Variants in SRD5A3 observed in about 807,000 individuals in gnomAD.
The protein encoded by SRD5A3 is steroid 5 alpha-reductase 3.
A neutral mutation model predicts 34.3 loss-of-function variants in SRD5A3; 24 were observed. That is an observed-to-expected ratio of 0.70 (90% CI 0.51 to 0.99). SRD5A3 has a LOEUF of 0.99. Among genes scored for constraint, SRD5A3 ranks in the 50% least tolerant of loss-of-function variants. The pLI is 0.00. For missense variants in SRD5A3, 350 were observed against 388.2 expected (o/e 0.90, Z 0.83); for synonymous variants, 161 against 167.3 (o/e 0.96, Z 0.29).
chr4:55,350,571 G>A (rs762220814), intron 1 of SRD5A3, among the ~76,000 whole-genome samples: 37 of 152,090 alleles, frequency 2.4e-4, no homozygotes, highest in Non-Finnish European at 4.9e-4. Context: ...TGAATGCAAT[G>A]TGGAATAATT....
intron 1 of SRD5A3, among the ~76,000 whole-genome samples, chr4:55,348,035 T>C (rs1009145084): frequency 1.3e-5 from 2 of 152,208 alleles, no homozygotes; most frequent in African/African-American, 4.8e-5. Context: ...AATCATCCCC[T>C]GAACTTGCAT....
At chr4:55,363,371 C>G (rs1367856355) in intron 2 of SRD5A3, among the ~76,000 whole-genome samples, 3 of 152,090 alleles carry the variant, frequency 2.0e-5, no homozygotes, top group Admixed American at 2.0e-4. Flanking sequence ...GAGTTCAAAG[C>G]TGCAGTGAGG....
chr4:55,355,867 A>G (rs978450634), intron 1 of SRD5A3, among the ~76,000 whole-genome samples: 6 of 151,946 alleles, frequency 3.9e-5, no homozygotes. Flanking sequence ...GAACTAAATA[A>G]TCTTAACTTT....
chr4:55,358,333 C>G (rs1258087495), intron 1 of SRD5A3, among the ~76,000 whole-genome samples: 1 of 151,996 alleles, frequency 6.6e-6, no homozygotes, highest in Non-Finnish European at 1.5e-5. Context: ...GAGTTTGAGA[C>G]CAGCCTGGGC....
chr4:55,359,528 T>C (rs761179647), intron 2 of SRD5A3, 40 bp downstream of exon 2: 1 of 1,613,210 alleles, frequency 6.2e-7, no homozygotes, highest in Admixed American at 1.7e-5. Context: ...TGCATCCCGT[T>C]TCTGTTGTTC....
chr4:55,355,410 A>G (rs1017627155), intron 1 of SRD5A3, among the ~76,000 whole-genome samples: 9 of 151,684 alleles, frequency 5.9e-5, no homozygotes, highest in African/African-American at 2.2e-4. Context: ...ATGAACCAAG[A>G]TCGTGCCACT....
chr4:55,367,358 T>C (rs2109484544), intron 3 of SRD5A3, among the ~76,000 whole-genome samples: 1 of 152,292 alleles, frequency 6.6e-6, no homozygotes, highest in African/African-American at 2.4e-5. Context: ...GAGGAACGTA[T>C]CTCCTTTGTC....
chr4:55,351,366 C>T (rs1719186311), intron 1 of SRD5A3, among the ~76,000 whole-genome samples: 1 of 152,126 alleles, frequency 6.6e-6, no homozygotes, highest in African/African-American at 2.4e-5. Flanking sequence ...GCCACCGTGT[C>T]TGGCCTGGCC....
chr4:55,354,821 C>T lies in SRD5A3; in HGVS notation c.222-4525C>T, dbSNP rs553209314. On this transcript the variant is annotated intron_variant, in intron 1 of 4. Coordinates refer to ENST00000264228, the MANE Select transcript of SRD5A3 (RefSeq NM_024592.5). The stretch of plus-strand genomic sequence containing the variant: ...ATAAAATTTACTGTGTGTGTGTGCG[C>T]GCGTGCGTGCGCGCGTACGCATGTG... Among the ~76,000 whole-genome samples, 8 of 151,388 alleles carry T rather than the reference C, an allele frequency of 5.3e-5. No individual in the cohort carries two copies. The South Asian group carries it at 6.4e-4, about 12-fold the overall frequency.
chr4:55,357,274 C>T (rs1278500464), intron 1 of SRD5A3, among the ~76,000 whole-genome samples: 1 of 152,190 alleles, frequency 6.6e-6, no homozygotes, highest in African/African-American at 2.4e-5. Flanking sequence ...TGCTGAGTCC[C>T]CAGCTTCTAG....
Position 55,363,094 on chromosome 4 carries a change from G to A in SRD5A3, c.365-980G>A, listed in dbSNP as rs10027447. On this transcript the variant is annotated intron_variant, in intron 2 of 4. Coordinates refer to ENST00000264228, the MANE Select transcript of SRD5A3 (RefSeq NM_024592.5). ...ACTCCTGAGCTCAGGCAATCCACCC[G>A]CCTCCAACTCCCAAAGTGGTAGGAT... is the stretch of plus-strand genomic sequence containing the variant. Among the ~76,000 whole-genome samples, 1,076 of 149,556 alleles carry A rather than the reference G, an allele frequency of 7.2e-3. 6 individuals carry two copies. Among genetic ancestry groups the A allele is most frequent in the African/African-American group, 0.025 (1,026 of 40,934 alleles).
intron 3 of SRD5A3, 147 bp downstream of exon 3, chr4:55,364,418 C>T (rs975987576): frequency 1.7e-5 from 17 of 973,798 alleles, no homozygotes; most frequent in African/African-American, 1.3e-4. Flanking sequence ...AGACTCAAGT[C>T]GATTTTAAAA....
At chr4:55,368,433 T>TTTAA (rs1171744244) in intron 4 of SRD5A3, among the ~76,000 whole-genome samples, 1 of 146,126 alleles carries the variant, frequency 6.8e-6, no homozygotes, top group Non-Finnish European at 1.5e-5. Flanking sequence ...TATTTATTTA[T>TTTAA]TTAATTTTTG....
chr4:55,354,830 GCGCGCGTA>G (rs1184892615), intron 1 of SRD5A3, among the ~76,000 whole-genome samples: 9 of 152,128 alleles, frequency 5.9e-5, no homozygotes, highest in Non-Finnish European at 1.2e-4. Context: ...GCGCGTGCGT[GCGCGCGTA>G]CGCATGTGTA....
intron 1 of SRD5A3, chr4:55,352,260 TG>T (rs1381166825): frequency 5.5e-6 from 5 of 900,980 alleles, no homozygotes; most frequent in Non-Finnish European, 9.4e-6. Context: ...GGTAGGGTGT[TG>T]GGGAATTTCT....
intron 4 of SRD5A3, 152 bp downstream of exon 4, chr4:55,367,874 A>G: frequency 9.9e-7 from 1 of 1,009,722 alleles, no homozygotes; most frequent in East Asian, 2.6e-5. Context: ...TGATCTTCCC[A>G]TCTGTGAAAA....
intron 1 of SRD5A3, 70 bp downstream of exon 1, chr4:55,346,627 C>G: frequency 7.1e-7 from 1 of 1,413,384 alleles, no homozygotes; most frequent in Non-Finnish European, 9.4e-7. Flanking sequence ...GGCTCGCGGG[C>G]AGCCAGCAGG....
rs1287814743 is a variant in SRD5A3 at position 55,370,373 on chromosome 4, C to T, written c.*282C>T. The T allele has an allele frequency of 8.7e-6, 4 of 460,610 alleles. No homozygotes were observed. The highest frequency in any genetic ancestry group is 2.0e-5 in the African/African-American group (1 of 50,548). 28.5% of individuals were successfully genotyped at this position (460,610 alleles called of 1,614,324 possible). A position where few individuals can be genotyped will look rare whatever the true frequency, so the allele number is the denominator to read the frequency against. On this transcript the variant is annotated 3_prime_UTR_variant, in exon 5 of 5. Transcript: ENST00000264228. ...ACCAACTGATAAAAAGTAGATGAGACTTCTCCAAGCTGCTTCACAAGCAAA... is the reference window on the plus strand; with the variant it reads ...ACCAACTGATAAAAAGTAGATGAGATTTCTCCAAGCTGCTTCACAAGCAAA...
intron 2 of SRD5A3, among the ~76,000 whole-genome samples, chr4:55,361,051 A>AG (rs1470944769): frequency 1.3e-5 from 2 of 152,196 alleles, no homozygotes; most frequent in Non-Finnish European, 2.9e-5. Context: ...AATTAAGGTC[A>AG]GGCAGAGTGT....
Sources: gnomAD v4.1 joint callset for allele counts (sites outside exome capture counted in the v4.1 genomes callset) on GRCh38, gnomAD v4.1.1 for gene constraint, MANE v1.5 for transcripts, NCBI Gene and HGNC (gene_info 2026-07-23, HGNC 2026-07-21) for gene names.